ANO10: variants seen among roughly 807,000 people sequenced by gnomAD.
ANO10 encodes anoctamin 10.
A neutral mutation model predicts 74.7 loss-of-function variants in ANO10; 77 were observed. The observed-to-expected ratio is 1.03, with a 90% CI of 0.86 to 1.25. The LOEUF is 1.25. Among genes scored for constraint, ANO10 ranks in the 50% most tolerant of loss-of-function variants. ANO10 has a pLI of 0.00. For synonymous variants in ANO10, 279 were observed against 284.9 expected, an observed-to-expected ratio of 0.98 and a Z score of 0.21; for missense variants, 721 against 778.1, an observed-to-expected ratio of 0.93 and a Z score of 0.87.
chr3:43,684,582 T>C (rs950990583), intron 1 of ANO10, among the ~76,000 whole-genome samples: 5 of 152,190 alleles, frequency 3.3e-5, no homozygotes, highest in African/African-American at 9.7e-5. Context: ...CATTACTAGG[T>C]ATATACCCAT....
intron 11 of ANO10, among the ~76,000 whole-genome samples, chr3:43,542,085 TA>T: frequency 6.6e-6 from 1 of 152,244 alleles, no homozygotes; most frequent in East Asian, 1.9e-4. Flanking sequence ...TTTCCTTCTG[TA>T]AAAAAGATCT....
intron 12 of ANO10, among the ~76,000 whole-genome samples, chr3:43,388,547 A>C (rs998401794): frequency 1.3e-4 from 20 of 152,306 alleles, no homozygotes; most frequent in Middle Eastern, 3.4e-3. Context: ...CTCTCTATGC[A>C]ATATCATAGG....
At chr3:43,606,006 T>C in intron 1 of ANO10, 143 bp from the exon 2 acceptor site, 1 of 863,382 alleles carries the variant, frequency 1.2e-6, no homozygotes, top group Non-Finnish European at 1.8e-6. Context: ...ATGGGTTATA[T>C]GACAGACTCA....
intron 11 of ANO10, among the ~76,000 whole-genome samples, chr3:43,477,902 G>C (rs1559590348): frequency 6.6e-6 from 1 of 152,216 alleles, no homozygotes. Flanking sequence ...CTGCACACCA[G>C]AGGCACACAT....
At chr3:43,621,649 T>C (rs994199208) in intron 1 of ANO10, 1 of 152,008 alleles carries the variant, frequency 6.6e-6, no homozygotes, top group Non-Finnish European at 1.5e-5. Context: ...AGACCCATAA[T>C]CCCCTCCACA....
chr3:43,473,976 C>T (rs1575975978), intron 11 of ANO10, among the ~76,000 whole-genome samples: 1 of 152,276 alleles, frequency 6.6e-6, no homozygotes, highest in Non-Finnish European at 1.5e-5. Flanking sequence ...CAAACACACA[C>T]AGTCATTCAT....
intron 12 of ANO10, 28 bp from the exon 13 acceptor site, chr3:43,367,002 G>C: frequency 1.9e-6 from 3 of 1,579,352 alleles, no homozygotes; most frequent in Non-Finnish European, 2.6e-6. Context: ...GACACCAGGT[G>C]AGCCACAGAA....
intron 4 of ANO10, among the ~76,000 whole-genome samples, chr3:43,593,365 T>C (rs918820650): frequency 6.6e-6 from 1 of 152,122 alleles, no homozygotes; most frequent in African/African-American, 2.4e-5. Flanking sequence ...GAGAGAAAGG[T>C]CGGGTTACCC....
chr3:43,561,754 C>T (rs2080047342), intron 8 of ANO10, among the ~76,000 whole-genome samples: 1 of 152,118 alleles, frequency 6.6e-6, no homozygotes, highest in Non-Finnish European at 1.5e-5. Context: ...ATGTTAACTA[C>T]CCTGATCTGA....
At chr3:43,645,064 T>C (rs1264828510) in intron 1 of ANO10, among the ~76,000 whole-genome samples, 3 of 152,228 alleles carry the variant, frequency 2.0e-5, no homozygotes, top group Non-Finnish European at 2.9e-5. Flanking sequence ...TTTAAAAATT[T>C]ACAAAGCCAA....
At chr3:43,577,641 T>A (rs965116626) in intron 5 of ANO10, among the ~76,000 whole-genome samples, 1 of 152,252 alleles carries the variant, frequency 6.6e-6, no homozygotes, top group Admixed American at 6.5e-5. Context: ...GTTTAATTTA[T>A]GCTCCCCACT....
intron 8 of ANO10, among the ~76,000 whole-genome samples, chr3:43,561,619 T>C (rs1200447038): frequency 6.6e-6 from 1 of 152,150 alleles, no homozygotes; most frequent in Non-Finnish European, 1.5e-5. Context: ...TTATGGTTTT[T>C]CACATGAAAG....
At chr3:43,619,621 G>A (rs1199414709) in intron 1 of ANO10, among the ~76,000 whole-genome samples, 3 of 152,070 alleles carry the variant, frequency 2.0e-5, no homozygotes, top group Admixed American at 6.5e-5. Context: ...AGTCCATGGG[G>A]GGTGGATCTA....
intron 12 of ANO10, among the ~76,000 whole-genome samples, chr3:43,372,516 C>G (rs908871876): frequency 2.6e-5 from 4 of 152,228 alleles, no homozygotes; most frequent in African/African-American, 9.6e-5. Context: ...CAGCCACCAG[C>G]TCCCTCCACC....
intron 11 of ANO10, among the ~76,000 whole-genome samples, chr3:43,532,976 T>C (rs1474683224): frequency 1.3e-5 from 2 of 152,180 alleles, no homozygotes; most frequent in Non-Finnish European, 2.9e-5. Flanking sequence ...TGTCTTTGTG[T>C]CCTCTATGGC....
chr3:43,623,759 G>A (rs1010459426), upstream of ANO10, among the ~76,000 whole-genome samples: 2 of 152,154 alleles, frequency 1.3e-5, no homozygotes, highest in African/African-American at 4.8e-5. Context: ...CTAGTCCTCC[G>A]ATGCTATCAT....
intron 12 of ANO10, among the ~76,000 whole-genome samples, chr3:43,406,956 T>C (rs959052560): frequency 3.3e-5 from 5 of 151,762 alleles, no homozygotes; most frequent in Admixed American, 6.6e-5. Context: ...CAGGCTGCAG[T>C]GCAGTGGCAT....
At chr3:43,570,813 C>T (rs1286384714) in intron 7 of ANO10, among the ~76,000 whole-genome samples, 6 of 142,564 alleles carry the variant, frequency 4.2e-5, no homozygotes, top group Non-Finnish European at 9.1e-5. Context: ...GCAATGGCAA[C>T]AAAAGACAAA....
chr3:43,640,077 A>G (rs1392766540), intron 1 of ANO10, among the ~76,000 whole-genome samples: 1 of 152,236 alleles, frequency 6.6e-6, no homozygotes, highest in Admixed American at 6.5e-5. Context: ...GTTCTGGACA[A>G]TCATTCCAAA....
Sources: allele counts gnomAD v4.1 joint callset (sites outside exome capture counted in the v4.1 genomes callset), GRCh38; gene constraint gnomAD v4.1.1; transcripts MANE v1.5; gene names NCBI Gene and HGNC (gene_info 2026-07-23, HGNC 2026-07-21).